The following QTMAN variants were observed in gnomAD, a reference collection of about 807,000 sequenced individuals.
QTMAN encodes the protein tRNA-queuosine alpha-mannosyltransferase.
At chr2:144,251,713 A>G in the QTMAN span, among the ~76,000 whole-genome samples, 1 of 152,204 alleles carries the variant, frequency 6.6e-6, no homozygotes, top group Non-Finnish European at 1.5e-5. Flanking sequence ...CATGACAAAA[A>G]AAAAGTTGTT....
At chr2:144,296,976 T>G in the QTMAN span, among the ~76,000 whole-genome samples, 1 of 152,176 alleles carries the variant, frequency 6.6e-6, no homozygotes, top group African/African-American at 2.4e-5. Context: ...TGGAAAAGAC[T>G]TAGCTTAGTT....
chr2:143,961,933 G>GT, the QTMAN span, among the ~76,000 whole-genome samples: 1 of 152,114 alleles, frequency 6.6e-6, no homozygotes, highest in Non-Finnish European at 1.5e-5. Context: ...TATCAGCCCA[G>GT]TTAATAAGCC....
the QTMAN span, among the ~76,000 whole-genome samples, chr2:144,157,942 T>C: frequency 6.6e-6 from 1 of 151,996 alleles, no homozygotes; most frequent in Non-Finnish European, 1.5e-5. Context: ...TGACGTTCTA[T>C]GAGAGTCAAA....
chr2:144,094,163 T>A, the QTMAN span, among the ~76,000 whole-genome samples: 1 of 152,218 alleles, frequency 6.6e-6, no homozygotes, highest in East Asian at 1.9e-4. Flanking sequence ...TGATTTTGGT[T>A]TAGTTTTTCA....
chr2:144,254,286 G>C, the QTMAN span, among the ~76,000 whole-genome samples: 1 of 152,148 alleles, frequency 6.6e-6, no homozygotes, highest in Non-Finnish European at 1.5e-5. Flanking sequence ...GTTGGGTGTG[G>C]TTGTGGGCGC....
chr2:144,145,576 A>G, the QTMAN span: 22 of 1,606,210 alleles, frequency 1.4e-5, no homozygotes, highest in Admixed American at 3.7e-4. Flanking sequence ...ACCTACCATG[A>G]AAGAATTTGG....
At chr2:143,980,815 C>T in the QTMAN span, among the ~76,000 whole-genome samples, 2 of 152,228 alleles carry the variant, frequency 1.3e-5, no homozygotes, top group African/African-American at 4.8e-5. Flanking sequence ...GTTACATTAT[C>T]CTTTCCAACA....
At chr2:144,327,337 T>C in the QTMAN span, among the ~76,000 whole-genome samples, 3 of 152,030 alleles carry the variant, frequency 2.0e-5, no homozygotes, top group South Asian at 6.2e-4. Context: ...CTCCAGCAAA[T>C]TAATAGAACC....
chr2:144,168,923 ATTATT>A, the QTMAN span, among the ~76,000 whole-genome samples: 2 of 151,698 alleles, frequency 1.3e-5, no homozygotes, highest in African/African-American at 4.9e-5. Flanking sequence ...TGTATCTAAC[ATTATT>A]TTATTATCGT....
At chr2:144,040,881 A>C in the QTMAN span, among the ~76,000 whole-genome samples, 3 of 152,212 alleles carry the variant, frequency 2.0e-5, no homozygotes, top group Admixed American at 6.5e-5. Context: ...TGGATTTATT[A>C]TCATTATTTT....
At chr2:144,284,954 T>A in the QTMAN span, among the ~76,000 whole-genome samples, 14 of 144,114 alleles carry the variant, frequency 9.7e-5, no homozygotes, top group East Asian at 1.2e-3. Flanking sequence ...TTTTTTTTTT[T>A]AATTAGCTGG....
the QTMAN span, among the ~76,000 whole-genome samples, chr2:144,309,092 G>T: frequency 6.6e-6 from 1 of 152,282 alleles, no homozygotes; most frequent in African/African-American, 2.4e-5. Context: ...CCAATAGAGT[G>T]TCTGAATTTA....
chr2:144,203,484 C>A, the QTMAN span, among the ~76,000 whole-genome samples: 1 of 152,096 alleles, frequency 6.6e-6, no homozygotes, highest in South Asian at 2.1e-4. Context: ...GACAGGACAG[C>A]AAGACTGGTA....
chr2:144,176,542 T>C, the QTMAN span, among the ~76,000 whole-genome samples: 2 of 152,006 alleles, frequency 1.3e-5, no homozygotes, highest in East Asian at 3.8e-4. Context: ...TGGAAAGAAA[T>C]ATGTAAAATT....
the QTMAN span, chr2:143,957,308 T>G: frequency 1.2e-5 from 20 of 1,600,364 alleles, no homozygotes; most frequent in Non-Finnish European, 1.6e-5. Context: ...AGACAGAAGA[T>G]CCCAATGCCT....
the QTMAN span, among the ~76,000 whole-genome samples, chr2:144,167,737 T>C: frequency 6.6e-6 from 1 of 152,078 alleles, no homozygotes; most frequent in African/African-American, 2.4e-5. Context: ...TCAATTATAC[T>C]GCTTTCCCTT....
the QTMAN span, among the ~76,000 whole-genome samples, chr2:144,233,046 A>T: frequency 6.6e-6 from 1 of 152,178 alleles, no homozygotes; most frequent in Admixed American, 6.6e-5. Flanking sequence ...GACACTCTAA[A>T]AGTGAGTATT....
chr2:144,304,471 A>G, the QTMAN span, among the ~76,000 whole-genome samples: 1 of 152,238 alleles, frequency 6.6e-6, no homozygotes, highest in South Asian at 2.1e-4. Context: ...CATACAAAGA[A>G]GAAAAATGTG....
At chr2:144,320,009 G>A in the QTMAN span, 6 of 152,116 alleles carry the variant, frequency 3.9e-5, no homozygotes, top group Non-Finnish European at 5.9e-5. Flanking sequence ...ACTAAAATCC[G>A]GCATGCAACC....
Sources: gnomAD v4.1 joint callset for allele counts (sites outside exome capture counted in the v4.1 genomes callset) on GRCh38, gnomAD v4.1.1 for gene constraint, MANE v1.5 for transcripts, NCBI Gene and HGNC (gene_info 2026-07-23, HGNC 2026-07-21) for gene names.